Variants in KCNIP4 observed in about 807,000 individuals in gnomAD.
KCNIP4 encodes the protein potassium voltage-gated channel interacting protein 4.
Under a neutral mutation model 34.0 loss-of-function variants are expected in KCNIP4, and 12 were observed. The observed-to-expected ratio is 0.35, with a 90% CI of 0.23 to 0.57. KCNIP4 has a LOEUF of 0.57. KCNIP4 is among the 20% of genes least tolerant of loss of function. The probability of loss-of-function intolerance (pLI) is 0.83; values close to 1 mark genes in which losing one functional copy is unlikely to be tolerated. For synonymous variants in KCNIP4, 124 were observed against 102.2 expected, an observed-to-expected ratio of 1.21 and a Z score of -1.29; for missense variants, 238 against 311.7, an observed-to-expected ratio of 0.76 and a Z score of 1.78.
At chr4:21,366,174 C>T (rs1370893277) in intron 1 of KCNIP4, among the ~76,000 whole-genome samples, 2 of 152,230 alleles carry the variant, frequency 1.3e-5, no homozygotes, top group East Asian at 1.9e-4. Context: ...TGAACGCTAC[C>T]GGTGAATATG....
chr4:20,818,110 G>T (rs765938881), intron 3 of KCNIP4, among the ~76,000 whole-genome samples: 4 of 152,122 alleles, frequency 2.6e-5, no homozygotes, highest in Non-Finnish European at 5.9e-5. Flanking sequence ...ATGATGAGTC[G>T]ATTTCTAATG....
intron 1 of KCNIP4, among the ~76,000 whole-genome samples, chr4:21,373,352 AT>A (rs765558124): frequency 1.3e-4 from 18 of 141,862 alleles, no homozygotes; most frequent in Non-Finnish European, 2.6e-4. Context: ...CAAAGATAAA[AT>A]ATAAAAAAAA....
intron 1 of KCNIP4, among the ~76,000 whole-genome samples, chr4:21,376,808 C>A (rs1251617202): frequency 2.0e-5 from 3 of 152,094 alleles, no homozygotes; most frequent in Non-Finnish European, 4.4e-5. Flanking sequence ...GGATTGCACC[C>A]AATACAAAAC....
intron 1 of KCNIP4, among the ~76,000 whole-genome samples, chr4:21,669,505 T>C (rs1240616366): frequency 6.6e-6 from 1 of 152,242 alleles, no homozygotes; most frequent in Admixed American, 6.5e-5. Flanking sequence ...GAATATATTA[T>C]CAGTAAGCCT....
intron 1 of KCNIP4, among the ~76,000 whole-genome samples, chr4:21,056,290 C>T (rs62293803): frequency 3.3e-5 from 5 of 152,116 alleles, no homozygotes; most frequent in Admixed American, 6.6e-5. Context: ...CTTGAAATTT[C>T]CTCACAGCTT....
intron 1 of KCNIP4, among the ~76,000 whole-genome samples, chr4:21,052,358 C>A (rs1054529422): frequency 2.0e-5 from 3 of 152,150 alleles, no homozygotes; most frequent in Non-Finnish European, 2.9e-5. Flanking sequence ...AATCCCCAAA[C>A]CTCCTGATAT....
intron 3 of KCNIP4, among the ~76,000 whole-genome samples, chr4:20,847,734 T>C (rs7660734): frequency 0.39 from 58,914 of 151,678 alleles, 11,930 homozygotes; most frequent in Non-Finnish European, 0.46. Context: ...ATTGGTGGAG[T>C]TATGCTGGTC....
At chr4:20,949,211 A>G (rs1361207990) in intron 1 of KCNIP4, among the ~76,000 whole-genome samples, 1 of 152,224 alleles carries the variant, frequency 6.6e-6, no homozygotes, top group East Asian at 1.9e-4. Flanking sequence ...TCCTTTGCAA[A>G]TACTGACGCA....
intron 1 of KCNIP4, among the ~76,000 whole-genome samples, chr4:21,924,794 C>A (rs1285008596): frequency 6.6e-6 from 1 of 151,942 alleles, no homozygotes; most frequent in Admixed American, 6.6e-5. Context: ...CTTTCCTATA[C>A]CCCTCTCCTC....
chr4:20,739,891 G>T (rs1750635557), intron 5 of KCNIP4, among the ~76,000 whole-genome samples: 1 of 152,168 alleles, frequency 6.6e-6, no homozygotes, highest in Non-Finnish European at 1.5e-5. Flanking sequence ...GCGTAGAGAA[G>T]ACCTTAAATG....
chr4:21,815,282 C>T (rs535426972), intron 1 of KCNIP4, among the ~76,000 whole-genome samples: 1 of 151,916 alleles, frequency 6.6e-6, no homozygotes, highest in Non-Finnish European at 1.5e-5. Flanking sequence ...ATCAAATGTG[C>T]TAATATAAAA....
Position 20,759,286 on chromosome 4 carries a change from A to G in KCNIP4, c.289-396T>C, listed in dbSNP as rs189181866. 1.1e-3 allele frequency among the ~76,000 whole-genome samples: 169 copies of G among 152,308 alleles called. 1 individual carries two copies. Among genetic ancestry groups the G allele is most frequent in the African/African-American group, 3.8e-3 (158 of 41,572 alleles). On this transcript the variant is annotated intron_variant, in intron 3 of 8. Coordinates refer to ENST00000382152, the MANE Select transcript of KCNIP4 (RefSeq NM_025221.6). ...TCCTTTCAAGGTTTTCTGAACTCAC[A>G]TAATCTTCGATTCAATGGCAGAATT...
chr4:21,795,531 G>T (rs1260511690), intron 1 of KCNIP4, among the ~76,000 whole-genome samples: 3 of 152,038 alleles, frequency 2.0e-5, no homozygotes, highest in Admixed American at 2.0e-4. Flanking sequence ...AAACAAATAG[G>T]TCACCAAGGA....
chr4:21,257,097 T>C (rs1560222453), intron 1 of KCNIP4, among the ~76,000 whole-genome samples: 1 of 152,216 alleles, frequency 6.6e-6, no homozygotes, highest in South Asian at 2.1e-4. Context: ...ATAGCTTGCA[T>C]GTGGATGCTG....
At chr4:21,571,598 T>C (rs1370803198) in intron 1 of KCNIP4, among the ~76,000 whole-genome samples, 2 of 152,118 alleles carry the variant, frequency 1.3e-5, no homozygotes, top group Non-Finnish European at 2.9e-5. Flanking sequence ...GAAGCACATA[T>C]CCATCAGTTT....
intron 1 of KCNIP4, among the ~76,000 whole-genome samples, chr4:21,827,791 C>G (rs191707): frequency 1.3e-5 from 2 of 151,980 alleles, no homozygotes; most frequent in South Asian, 4.1e-4. Context: ...AATTTACAAT[C>G]TAAGTTTACA....
chr4:21,427,820 A>G (rs1044113984), intron 1 of KCNIP4, among the ~76,000 whole-genome samples: 12 of 152,190 alleles, frequency 7.9e-5, no homozygotes, highest in Admixed American at 2.0e-4. Context: ...CAAAGTCCTT[A>G]AGAAAACTGA....
intron 1 of KCNIP4, among the ~76,000 whole-genome samples, chr4:21,368,577 T>C (rs578053193): frequency 4.1e-5 from 6 of 147,222 alleles, no homozygotes; most frequent in Non-Finnish European, 8.8e-5. Flanking sequence ...GTTGGGTAAT[T>C]TGCCCAAGGT....
intron 1 of KCNIP4, among the ~76,000 whole-genome samples, chr4:21,326,543 C>G (rs1256906691): frequency 6.6e-6 from 1 of 150,872 alleles, no homozygotes; most frequent in African/African-American, 2.4e-5. Context: ...TTGTAGACAA[C>G]AGATCATTGG....
Sources: allele counts gnomAD v4.1 joint callset (sites outside exome capture counted in the v4.1 genomes callset), GRCh38; gene constraint gnomAD v4.1.1; transcripts MANE v1.5; gene names NCBI Gene and HGNC (gene_info 2026-07-23, HGNC 2026-07-21).